SLC24A3: variants seen among roughly 807,000 people sequenced by gnomAD.
The protein encoded by SLC24A3 is sodium/potassium/calcium exchanger 3.
In SLC24A3, 28 loss-of-function variants were observed where a neutral mutation model predicts 75.8. The observed-to-expected ratio is 0.37, with a 90% confidence interval of 0.27 to 0.51. The LOEUF is 0.51. Among genes scored for constraint, SLC24A3 ranks in the 20% least tolerant of loss-of-function variants. The pLI, the probability that SLC24A3 is intolerant of heterozygous loss-of-function variation, is 0.94. For missense variants in SLC24A3, 663 were observed against 847.8 expected (o/e 0.78, Z 2.71); for synonymous variants, 372 against 334.1 (o/e 1.11, Z -1.24).
intron 9 of SLC24A3, among the ~76,000 whole-genome samples, chr20:19,678,335 G>T: frequency 1.6e-5 from 2 of 124,686 alleles, no homozygotes; most frequent in African/African-American, 6.4e-5. Flanking sequence ...CCGGGCGGGG[G>T]GCTGACCCCC....
At chr20:19,513,738 G>T (rs2328430) in intron 2 of SLC24A3, among the ~76,000 whole-genome samples, 2,357 of 141,792 alleles carry the variant, frequency 0.017, 29 homozygotes, top group African/African-American at 0.03. Flanking sequence ...TTTTTTTTTA[G>T]AAAAAAAAAA....
chr20:19,528,449 A>T (rs2030238743), intron 3 of SLC24A3, among the ~76,000 whole-genome samples: 2 of 152,186 alleles, frequency 1.3e-5, no homozygotes, highest in South Asian at 4.1e-4. Context: ...TAATCCCAGA[A>T]GCTATTTGCA....
intron 6 of SLC24A3, among the ~76,000 whole-genome samples, chr20:19,591,915 C>T (rs2031383843): frequency 6.6e-6 from 1 of 152,216 alleles, no homozygotes; most frequent in Non-Finnish European, 1.5e-5. Context: ...AAAAACTGCA[C>T]ACAGATGCAC....
chr20:19,282,690 T>A (rs1250281208), intron 2 of SLC24A3, among the ~76,000 whole-genome samples: 1 of 152,252 alleles, frequency 6.6e-6, no homozygotes, highest in African/African-American at 2.4e-5. Context: ...ACTTCTGGTA[T>A]GGGAAAGAAT....
intron 2 of SLC24A3, among the ~76,000 whole-genome samples, chr20:19,300,181 C>T (rs1984162665): frequency 6.6e-6 from 1 of 152,198 alleles, no homozygotes; most frequent in African/African-American, 2.4e-5. Flanking sequence ...ACTCTGATTC[C>T]CCTTTCCTTG....
chr20:19,697,505 A>C (rs2032823894), intron 14 of SLC24A3: 1 of 152,606 alleles, frequency 6.6e-6, no homozygotes, highest in Non-Finnish European at 1.5e-5. Context: ...CAGGTCCCAG[A>C]GGTCAGTTTT....
At chr20:19,353,248 T>A (rs1266940192) in intron 2 of SLC24A3, among the ~76,000 whole-genome samples, 1 of 152,152 alleles carries the variant, frequency 6.6e-6, no homozygotes, top group Non-Finnish European at 1.5e-5. Context: ...AATTTAGAAG[T>A]CAAAACAAAC....
chr20:19,667,629 A>G (rs1041539759), intron 8 of SLC24A3, among the ~76,000 whole-genome samples: 13 of 152,170 alleles, frequency 8.5e-5, no homozygotes, highest in African/African-American at 3.1e-4. Context: ...AGGAAAGGCT[A>G]CCCAGGATGG....
At chr20:19,472,758 C>T (rs941343847) in intron 2 of SLC24A3, among the ~76,000 whole-genome samples, 3 of 152,172 alleles carry the variant, frequency 2.0e-5, no homozygotes, top group Non-Finnish European at 4.4e-5. Flanking sequence ...ACTACCGTTG[C>T]CTGAAATACA....
rs185032256 is a variant in SLC24A3 at position 19,283,143 on chromosome 20, A to C, written c.271+2056A>C. On this transcript the variant is annotated intron_variant, in intron 2 of 16. Transcript: ENST00000328041. ...GGACAATCTTGATTTCCTTACCTGC[A>C]GACCAAAAGAACCGGGCTTGGTTTC... 3.9e-5 allele frequency: 6 copies of C among 152,790 alleles called. No homozygotes were observed. The East Asian group carries it at 1.2e-3, about 30-fold the overall frequency. 9.5% of individuals were successfully genotyped at this position (152,790 alleles called of 1,614,324 possible). A position where few individuals can be genotyped will look rare whatever the true frequency, so the allele number is the denominator to read the frequency against.
intron 2 of SLC24A3, among the ~76,000 whole-genome samples, chr20:19,311,447 A>C (rs1216520106): frequency 6.6e-6 from 1 of 152,162 alleles, no homozygotes; most frequent in African/African-American, 2.4e-5. Context: ...GAAGAGATAC[A>C]GTCCCAGCCC....
intron 2 of SLC24A3, among the ~76,000 whole-genome samples, chr20:19,345,308 G>C (rs1001887959): frequency 6.6e-6 from 1 of 152,192 alleles, no homozygotes; most frequent in Non-Finnish European, 1.5e-5. Flanking sequence ...AATAGGAAGA[G>C]TCAGAGTCAA....
chr20:19,247,695 T>G (rs955004505), intron 1 of SLC24A3, among the ~76,000 whole-genome samples: 7 of 152,254 alleles, frequency 4.6e-5, no homozygotes, highest in Non-Finnish European at 8.8e-5. Context: ...TATTTCCTTA[T>G]TAATTGTATA....
At chr20:19,266,908 C>T (rs1165712673) in intron 1 of SLC24A3, among the ~76,000 whole-genome samples, 1 of 151,886 alleles carries the variant, frequency 6.6e-6, no homozygotes, top group African/African-American at 2.4e-5. Context: ...TATTTTTAAG[C>T]CTTATACCTA....
chr20:19,531,722 A>G lies in SLC24A3; in HGVS notation c.348+16158A>G, dbSNP rs148538983. Among the ~76,000 whole-genome samples, 589 of 152,294 alleles carry G rather than the reference A, an allele frequency of 3.9e-3. 5 individuals carry two copies. The highest frequency in any genetic ancestry group is 0.013 in the African/African-American group (558 of 41,574). ...AGAATGGAGACAGGGAGGGATAAAT[A>G]ATACATGGCCACTGCCTCTGAGGAG... On this transcript the variant is annotated intron_variant, in intron 3 of 16. Transcript: ENST00000328041.
intron 3 of SLC24A3, among the ~76,000 whole-genome samples, chr20:19,568,767 C>T (rs1275706774): frequency 6.6e-6 from 1 of 152,056 alleles, no homozygotes; most frequent in Non-Finnish European, 1.5e-5. Flanking sequence ...GCCTATTTTA[C>T]CACAATAAAA....
chr20:19,520,010 T>C (rs1028292989), intron 3 of SLC24A3, among the ~76,000 whole-genome samples: 1 of 152,208 alleles, frequency 6.6e-6, no homozygotes, highest in African/African-American at 2.4e-5. Flanking sequence ...TTCCTAAGCT[T>C]TGAGCCTTGC....
intron 1 of SLC24A3, among the ~76,000 whole-genome samples, chr20:19,262,322 G>A (rs1269788582): frequency 6.7e-6 from 1 of 149,714 alleles, no homozygotes; most frequent in Non-Finnish European, 1.5e-5. Context: ...GGAGAATGGC[G>A]TGAACCCGGG....
At chr20:19,215,881 T>G (rs186925020) in intron 1 of SLC24A3, among the ~76,000 whole-genome samples, 2 of 152,338 alleles carry the variant, frequency 1.3e-5, no homozygotes, top group African/African-American at 4.8e-5. Flanking sequence ...ACATTGATTC[T>G]TTTCTGCTGA....
Sources: allele counts gnomAD v4.1 joint callset (sites outside exome capture counted in the v4.1 genomes callset), GRCh38; gene constraint gnomAD v4.1.1; transcripts MANE v1.5; gene names NCBI Gene and HGNC (gene_info 2026-07-23, HGNC 2026-07-21).